Variants in IQGAP2 observed in about 807,000 individuals in gnomAD.
IQGAP2 encodes ras GTPase-activating-like protein IQGAP2.
A neutral mutation model predicts 201.3 loss-of-function variants in IQGAP2; 173 were observed. The ratio of observed to expected loss-of-function variants is 0.86; its 90% CI spans 0.76 to 0.98. IQGAP2 has a LOEUF of 0.98. Among genes scored for constraint, IQGAP2 ranks in the 50% least tolerant of loss-of-function variants. The probability of loss-of-function intolerance (pLI) is 0.00; values close to 1 mark genes in which losing one functional copy is unlikely to be tolerated. For synonymous variants in IQGAP2, 675 were observed against 673.9 expected (o/e 1.00, Z -0.03); for missense variants, 1,687 against 1,864.8 (o/e 0.90, Z 1.76).
At chr5:76,467,603 GT>G (rs1282270161) in intron 2 of IQGAP2, among the ~76,000 whole-genome samples, 1 of 152,116 alleles carries the variant, frequency 6.6e-6, no homozygotes, top group African/African-American at 2.4e-5. Flanking sequence ...ATTAAACAGA[GT>G]TACCATATGA....
chr5:76,533,432 T>C (rs1759432856), intron 2 of IQGAP2, among the ~76,000 whole-genome samples: 1 of 152,122 alleles, frequency 6.6e-6, no homozygotes, highest in South Asian at 2.1e-4. Flanking sequence ...TATCTCACCA[T>C]TTTACTTTTC....
chr5:76,597,659 T>G (rs1187104103), intron 10 of IQGAP2, 57 bp downstream of exon 10: 1 of 1,563,560 alleles, frequency 6.4e-7, no homozygotes. Flanking sequence ...CATGGCGCAC[T>G]AGGGAAGCCT....
intron 1 of IQGAP2, among the ~76,000 whole-genome samples, chr5:76,445,129 T>G (rs1462681280): frequency 6.6e-6 from 1 of 152,182 alleles, no homozygotes; most frequent in Non-Finnish European, 1.5e-5. Context: ...TCCAGTGGCA[T>G]GTGAGCAATA....
chr5:76,629,635 A>T (rs1379405862), intron 14 of IQGAP2, among the ~76,000 whole-genome samples: 1 of 152,198 alleles, frequency 6.6e-6, no homozygotes. Context: ...GATATTTTGT[A>T]TACCTGTTTA....
intron 5 of IQGAP2, among the ~76,000 whole-genome samples, chr5:76,579,166 C>T (rs1193808163): frequency 6.6e-6 from 1 of 152,112 alleles, no homozygotes; most frequent in African/African-American, 2.4e-5. Context: ...GGAACCTATT[C>T]TGTAAGACCC....
chr5:76,573,777 A>G (rs1056698711), intron 4 of IQGAP2, among the ~76,000 whole-genome samples: 1 of 126,154 alleles, frequency 7.9e-6, no homozygotes, highest in Admixed American at 8.0e-5. Context: ...ATGCCCAGCT[A>G]TTTTTTTTTT....
chr5:76,461,474 A>C, intron 1 of IQGAP2, 96 bp from the exon 2 acceptor site: 1 of 732,670 alleles, frequency 1.4e-6, no homozygotes, highest in Non-Finnish European at 2.3e-6. Flanking sequence ...TGAATGTTAA[A>C]TGTTCAGCTG....
intron 1 of IQGAP2, among the ~76,000 whole-genome samples, chr5:76,452,042 G>GA (rs1158983256): frequency 9.3e-5 from 14 of 150,316 alleles, no homozygotes; most frequent in South Asian, 2.1e-4. Context: ...CTTAAAAAAA[G>GA]AAAAAAATTT....
At chr5:76,416,460 C>A (rs531245526) in intron 1 of IQGAP2, among the ~76,000 whole-genome samples, 42 of 152,168 alleles carry the variant, frequency 2.8e-4, no homozygotes, top group Admixed American at 1.4e-3. Flanking sequence ...ATAGCAAGAC[C>A]TGCATCTAGC....
chr5:76,524,950 A>G (rs1258367096), intron 2 of IQGAP2, among the ~76,000 whole-genome samples: 4 of 152,230 alleles, frequency 2.6e-5, no homozygotes, highest in Admixed American at 1.3e-4. Context: ...CCTTGTGCCA[A>G]TGTATTCAAC....
At chr5:76,652,540 T>TA (rs1561552688) in intron 17 of IQGAP2, among the ~76,000 whole-genome samples, 2 of 152,206 alleles carry the variant, frequency 1.3e-5, no homozygotes, top group African/African-American at 4.8e-5. Flanking sequence ...TCTGCTGTCC[T>TA]AAGCTTAGAA....
At chr5:76,690,219 T>C (rs1746145792) in intron 30 of IQGAP2, among the ~76,000 whole-genome samples, 1 of 152,122 alleles carries the variant, frequency 6.6e-6, no homozygotes, top group Non-Finnish European at 1.5e-5. Context: ...ATTAAGGTCA[T>C]TGGTAACTGG....
intron 1 of IQGAP2, among the ~76,000 whole-genome samples, chr5:76,442,494 C>G (rs1364900317): frequency 6.6e-6 from 1 of 152,112 alleles, no homozygotes; most frequent in African/African-American, 2.4e-5. Flanking sequence ...AATGTGAATC[C>G]TTTATCACAC....
chr5:76,414,249 G>A (rs1357552232), intron 1 of IQGAP2, among the ~76,000 whole-genome samples: 2 of 152,036 alleles, frequency 1.3e-5, no homozygotes, highest in East Asian at 1.9e-4. Context: ...AGTCCTACAC[G>A]AAGCAGGCTT....
intron 1 of IQGAP2, among the ~76,000 whole-genome samples, chr5:76,432,218 A>G (rs6887687): frequency 0.85 from 126,204 of 148,396 alleles, 54,089 homozygotes; most frequent in Non-Finnish European, 0.9. Context: ...CTCTCCCTCC[A>G]GGATTAAAAA....
chr5:76,587,379 G>A (rs1746322319), intron 5 of IQGAP2, among the ~76,000 whole-genome samples: 1 of 152,052 alleles, frequency 6.6e-6, no homozygotes, highest in South Asian at 2.1e-4. Context: ...GTGTCTATAT[G>A]TAAGTAGGTT....
intron 1 of IQGAP2, among the ~76,000 whole-genome samples, chr5:76,405,455 A>G (rs1441490583): frequency 1.3e-5 from 2 of 152,254 alleles, no homozygotes; most frequent in African/African-American, 4.8e-5. Flanking sequence ...CAAGTTGGTC[A>G]CTTAACACTG....
At chr5:76,575,336 A>G (rs547513947) in intron 4 of IQGAP2, among the ~76,000 whole-genome samples, 1 of 152,224 alleles carries the variant, frequency 6.6e-6, no homozygotes, top group Non-Finnish European at 1.5e-5. Flanking sequence ...TCTCAGGCCC[A>G]TGGGACCTCT....
At chr5:76,430,289 G>A (rs1287111265) in intron 1 of IQGAP2, among the ~76,000 whole-genome samples, 4 of 152,124 alleles carry the variant, frequency 2.6e-5, no homozygotes, top group Non-Finnish European at 5.9e-5. Context: ...ACCAATTAAC[G>A]AGCTCCAGCT....
Sources: allele counts gnomAD v4.1 joint callset (sites outside exome capture counted in the v4.1 genomes callset), GRCh38; gene constraint gnomAD v4.1.1; transcripts MANE v1.5; gene names NCBI Gene and HGNC (gene_info 2026-07-23, HGNC 2026-07-21).